CSMD1: variants seen among roughly 807,000 people sequenced by gnomAD.
CSMD1 encodes CUB and sushi domain-containing protein 1.
In CSMD1, 213 loss-of-function variants were observed where a neutral mutation model predicts 417.5. The observed-to-expected ratio is 0.51, with a 90% CI of 0.46 to 0.57. The LOEUF (loss-of-function observed/expected upper bound fraction) is 0.57, where lower values mean the gene tolerates loss of function less well. CSMD1 is among the 20% of genes least tolerant of loss of function. The pLI, the probability that CSMD1 is intolerant of heterozygous loss-of-function variation, is 0.00. For missense variants in CSMD1, 6,923 were observed against 4,529.7 expected, an observed-to-expected ratio of 1.53 and a Z score of -15.17; for synonymous variants, 2,862 against 1,736.8, an observed-to-expected ratio of 1.65 and a Z score of -16.11.
At chr8:4,885,157 C>T (rs1163997713) in intron 1 of CSMD1, among the ~76,000 whole-genome samples, 1 of 152,012 alleles carries the variant, frequency 6.6e-6, no homozygotes, top group Non-Finnish European at 1.5e-5. Flanking sequence ...TATAGAATTA[C>T]AATTGATTTG....
At chr8:3,760,222 T>A (rs1797916492) in intron 5 of CSMD1, among the ~76,000 whole-genome samples, 1 of 152,194 alleles carries the variant, frequency 6.6e-6, no homozygotes. Flanking sequence ...TCAGTGGGAA[T>A]GTTGGACAGC....
intron 1 of CSMD1, among the ~76,000 whole-genome samples, chr8:4,743,319 A>T (rs1044065051): frequency 5.9e-5 from 9 of 152,214 alleles, no homozygotes; most frequent in Non-Finnish European, 1.0e-4. Flanking sequence ...TTCCATTACA[A>T]TTCTGAACAC....
intron 3 of CSMD1, among the ~76,000 whole-genome samples, chr8:4,045,731 G>A (rs767299356): frequency 8.5e-5 from 13 of 152,270 alleles, no homozygotes; most frequent in South Asian, 2.1e-4. Context: ...AAAATAAAAC[G>A]TGTGAACACC....
intron 1 of CSMD1, among the ~76,000 whole-genome samples, chr8:4,649,324 T>C (rs1276437409): frequency 6.6e-6 from 1 of 152,236 alleles, no homozygotes; most frequent in Non-Finnish European, 1.5e-5. Context: ...GTAATGATTG[T>C]GAACATTGAC....
At chr8:4,456,423 A>AAGTATTTTT (rs1223640765) in intron 2 of CSMD1, among the ~76,000 whole-genome samples, 107 of 152,186 alleles carry the variant, frequency 7.0e-4, no homozygotes, top group Non-Finnish European at 1.2e-3. Context: ...CTTAGAAAAA[A>AAGTATTTTT]AGTATTTTTA....
intron 3 of CSMD1, among the ~76,000 whole-genome samples, chr8:4,417,776 A>G (rs1797026536): frequency 6.6e-6 from 1 of 151,996 alleles, no homozygotes; most frequent in African/African-American, 2.4e-5. Context: ...ATTATCATTA[A>G]TTCTACTTCA....
intron 3 of CSMD1, among the ~76,000 whole-genome samples, chr8:4,057,918 G>C (rs1406816888): frequency 2.0e-5 from 3 of 151,794 alleles, no homozygotes; most frequent in South Asian, 4.2e-4. Context: ...CCAGTACCAT[G>C]CTGTTTTGGT....
chr8:4,535,297 TTTG>T (rs974314825), intron 2 of CSMD1, among the ~76,000 whole-genome samples: 5 of 152,194 alleles, frequency 3.3e-5, no homozygotes, highest in Non-Finnish European at 5.9e-5. Context: ...AAGTCAATTA[TTTG>T]TTATCTGAAA....
At chr8:3,345,790 T>C (rs1436308052) in intron 22 of CSMD1, among the ~76,000 whole-genome samples, 2 of 152,190 alleles carry the variant, frequency 1.3e-5, no homozygotes, top group Non-Finnish European at 2.9e-5. Flanking sequence ...TCACACAGAA[T>C]GCTAGCATGA....
chr8:4,708,608 G>C (rs1009862791), intron 1 of CSMD1, among the ~76,000 whole-genome samples: 3 of 152,014 alleles, frequency 2.0e-5, no homozygotes, highest in Non-Finnish European at 4.4e-5. Flanking sequence ...ATCAGAAAGA[G>C]TTCATTGAAT....
chr8:4,132,525 T>C lies in CSMD1; in HGVS notation c.416-100426A>G, dbSNP rs187627880. Among the ~76,000 whole-genome samples, 88 of 152,268 alleles carry C rather than the reference T, an allele frequency of 5.8e-4. 1 individual carries two copies. In the South Asian group the frequency reaches 0.012, roughly 20 times the overall value. On this transcript the variant is annotated intron_variant, in intron 3 of 69. Transcript: ENST00000635120. ...TATTAGGCATTCCCCTGTTTCTGGG[T>C]ATAATTTTAAAATGCAAAGGGGGCA...
chr8:3,938,034 A>C (rs1217945010), intron 5 of CSMD1, among the ~76,000 whole-genome samples: 1 of 152,216 alleles, frequency 6.6e-6, no homozygotes, highest in Non-Finnish European at 1.5e-5. Flanking sequence ...TAAAATAAAA[A>C]TGCTTTCCTA....
At chr8:3,188,114 A>G (rs1469122686) in intron 35 of CSMD1, 149 bp from the exon 36 acceptor site, 6 of 273,874 alleles carry the variant, frequency 2.2e-5, no homozygotes, top group East Asian at 6.4e-5. Flanking sequence ...ATACACCTTA[A>G]TAATGCCTCC....
intron 1 of CSMD1, among the ~76,000 whole-genome samples, chr8:4,689,086 G>A (rs1040653238): frequency 1.8e-4 from 27 of 152,162 alleles, no homozygotes; most frequent in African/African-American, 6.5e-4. Flanking sequence ...ATTTGCACCT[G>A]TATTGATAAA....
chr8:2,953,921 C>T (rs1253938655), intron 65 of CSMD1, among the ~76,000 whole-genome samples: 3 of 152,198 alleles, frequency 2.0e-5, no homozygotes. Flanking sequence ...TCCATTATAC[C>T]ACATGGAACG....
intron 5 of CSMD1, among the ~76,000 whole-genome samples, chr8:3,867,201 C>T: frequency 6.6e-6 from 1 of 152,072 alleles, no homozygotes; most frequent in East Asian, 1.9e-4. Flanking sequence ...TATATATAGA[C>T]AAAAGAGTGA....
chr8:3,933,975 G>C (rs1584991632), intron 5 of CSMD1, among the ~76,000 whole-genome samples: 1 of 152,268 alleles, frequency 6.6e-6, no homozygotes, highest in East Asian at 1.9e-4. Context: ...AGTCGGGCTA[G>C]TGAAGTGGCA....
In CSMD1 at chr8:3,806,194, C is replaced by T. The variant is rs117167237; in HGVS notation, c.819-52152G>A. On this transcript the variant is annotated intron_variant, in intron 5 of 69. Coordinates refer to ENST00000635120, the MANE Select transcript of CSMD1 (RefSeq NM_033225.6). ...AGATACCTTGGGTCGTCCATTCAAA[C>T]GCAGAGTGCTTTGGATTTTTCTTCC... 3.1e-3 allele frequency among the ~76,000 whole-genome samples: 470 copies of T among 152,278 alleles called. 12 individuals are homozygous for T. Among genetic ancestry groups the T allele is most frequent in the East Asian group, 0.028 (147 of 5,178 alleles).
chr8:4,306,811 A>G (rs1164699606), intron 3 of CSMD1, among the ~76,000 whole-genome samples: 3 of 147,692 alleles, frequency 2.0e-5, no homozygotes, highest in African/African-American at 7.6e-5. Context: ...CATAGCACCA[A>G]TCAATCCCTA....
Sources: gnomAD v4.1 joint callset for allele counts (sites outside exome capture counted in the v4.1 genomes callset) on GRCh38, gnomAD v4.1.1 for gene constraint, MANE v1.5 for transcripts, NCBI Gene and HGNC (gene_info 2026-07-23, HGNC 2026-07-21) for gene names.